The following RBFOX1 variants were observed in gnomAD, a reference collection of about 807,000 sequenced individuals.
RBFOX1 encodes the protein RNA binding fox-1 homolog 1, also known as RNA binding protein fox-1 homolog 1.
Under a neutral mutation model 57.7 loss-of-function variants are expected in RBFOX1, and 8 were observed. That is an observed-to-expected ratio of 0.14 (90% CI 0.08 to 0.25). RBFOX1 has a LOEUF of 0.25. Among genes scored for constraint, RBFOX1 ranks in the 10% least tolerant of loss-of-function variants. RBFOX1 has a pLI of 1.00. For missense variants in RBFOX1, 611 were observed against 548.5 expected (o/e 1.11, Z -1.14); for synonymous variants, 326 against 222.4 (o/e 1.47, Z -4.15).
chr16:5,742,345 C>G (rs1044303988), intron 3 of RBFOX1, among the ~76,000 whole-genome samples: 5 of 96,262 alleles, frequency 5.2e-5, no homozygotes, highest in African/African-American at 1.7e-4. Flanking sequence ...CCTCTCCTAA[C>G]TTTCCTTCCT....
At chr16:6,551,817 T>G (rs758140883) in intron 2 of RBFOX1, among the ~76,000 whole-genome samples, 6 of 152,214 alleles carry the variant, frequency 3.9e-5, no homozygotes, top group Non-Finnish European at 5.9e-5. Flanking sequence ...ATCATGCCAA[T>G]TACATCTCAC....
chr16:6,274,428 A>G (rs1471952522), intron 1 of RBFOX1, among the ~76,000 whole-genome samples: 1 of 152,228 alleles, frequency 6.6e-6, no homozygotes, highest in African/African-American at 2.4e-5. Context: ...ATGAATCTCC[A>G]GAAAATTATG....
intron 2 of RBFOX1, among the ~76,000 whole-genome samples, chr16:6,619,212 C>G (rs557193469): frequency 8.5e-5 from 13 of 152,228 alleles, no homozygotes; most frequent in South Asian, 4.1e-4. Context: ...TCTGTCCCCC[C>G]CTTAAACAGT....
chr16:6,191,795 G>A (rs1160521449), intron 1 of RBFOX1, among the ~76,000 whole-genome samples: 1 of 152,116 alleles, frequency 6.6e-6, no homozygotes, highest in Non-Finnish European at 1.5e-5. Context: ...TCACCACAGA[G>A]CTTTCCTTGG....
chr16:7,469,265 T>C (rs138704145), intron 4 of RBFOX1, among the ~76,000 whole-genome samples: 1,955 of 151,950 alleles, frequency 0.013, 44 homozygotes, highest in African/African-American at 0.045. Flanking sequence ...GGTTTCACCA[T>C]GTCGGTCAGG....
At chr16:5,825,586 C>T (rs914520027) in intron 3 of RBFOX1, among the ~76,000 whole-genome samples, 1 of 152,110 alleles carries the variant, frequency 6.6e-6, no homozygotes, top group East Asian at 1.9e-4. Context: ...TAAAAGTTAT[C>T]ATATGAACCA....
At chr16:6,082,890 G>T (rs987865019) in intron 1 of RBFOX1, among the ~76,000 whole-genome samples, 1 of 152,114 alleles carries the variant, frequency 6.6e-6, no homozygotes, top group Non-Finnish European at 1.5e-5. Context: ...GCTTATCACG[G>T]AGCCTAGCCC....
chr16:7,036,333 C>T (rs535987065), intron 3 of RBFOX1, among the ~76,000 whole-genome samples: 6 of 152,108 alleles, frequency 3.9e-5, no homozygotes, highest in African/African-American at 1.4e-4. Context: ...CAATTTTTCA[C>T]AATCTTGGTT....
At chr16:5,294,272 T>C (rs1363706746) in intron 1 of RBFOX1, among the ~76,000 whole-genome samples, 8 of 152,220 alleles carry the variant, frequency 5.3e-5, no homozygotes, top group Non-Finnish European at 1.5e-5. Context: ...CAAAAAATAC[T>C]GATGCCCATG....
chr16:5,540,322 A>G (rs1385714674), intron 2 of RBFOX1, among the ~76,000 whole-genome samples: 2 of 152,210 alleles, frequency 1.3e-5, no homozygotes, highest in Non-Finnish European at 2.9e-5. Context: ...ATGTTTGGAA[A>G]AAATTGGCAT....
At chr16:7,184,908 T>G (rs1480843164) in intron 4 of RBFOX1, among the ~76,000 whole-genome samples, 1 of 152,116 alleles carries the variant, frequency 6.6e-6, no homozygotes. Context: ...TTAACCATAA[T>G]AATGCTTACT....
At position 7,290,946 on chromosome 16, in the gene RBFOX1, A is replaced by C. The variant is rs146185618; in HGVS notation, c.28-227201A>C. Among the ~76,000 whole-genome samples, 653 of 152,326 alleles carry C rather than the reference A, an allele frequency of 4.3e-3. 3 individuals are homozygous for C. Among genetic ancestry groups the C allele is most frequent in the African/African-American group, 0.015 (622 of 41,570 alleles). On this transcript the variant is annotated intron_variant, in intron 4 of 15. Coordinates refer to ENST00000550418, the MANE Select transcript of RBFOX1 (RefSeq NM_018723.4). ...CAGAGGTGCTATCATCCTTGCCTCC[A>C]TCTCAATATTGCAAAACATACAAGA...
In RBFOX1 at chr16:6,386,662, T is replaced by C. The variant is rs74007326; in HGVS notation, c.-64+69605T>C. Among the ~76,000 whole-genome samples the C allele has an allele frequency of 2.7e-3, 405 of 152,328 alleles. 2 individuals are homozygous for C. The highest frequency in any genetic ancestry group is 9.3e-3 in the African/African-American group (386 of 41,572). ...AGAGAGAAAAGAAGTTCTTTTAGTATCTCCAGTTGTTAAAATAGTGTCTGA... is the reference window on the plus strand; with the variant it reads ...AGAGAGAAAAGAAGTTCTTTTAGTACCTCCAGTTGTTAAAATAGTGTCTGA... On this transcript the variant is annotated intron_variant, in intron 2 of 15. Coordinates refer to ENST00000550418, the MANE Select transcript of RBFOX1 (RefSeq NM_018723.4).
intron 1 of RBFOX1, among the ~76,000 whole-genome samples, chr16:5,344,343 G>A (rs116267091): frequency 3.9e-5 from 6 of 152,156 alleles, no homozygotes; most frequent in Non-Finnish European, 7.4e-5. Flanking sequence ...GGTAGGGATG[G>A]TAAGTCTCCC....
intron 2 of RBFOX1, among the ~76,000 whole-genome samples, chr16:6,567,858 G>A (rs963988324): frequency 2.0e-5 from 3 of 152,088 alleles, no homozygotes; most frequent in Non-Finnish European, 4.4e-5. Flanking sequence ...GTCTCACTCT[G>A]TCACCCAGGC....
chr16:5,705,234 C>A (rs554869426), intron 3 of RBFOX1, among the ~76,000 whole-genome samples: 1 of 152,156 alleles, frequency 6.6e-6, no homozygotes, highest in Non-Finnish European at 1.5e-5. Context: ...CCAGCACCAT[C>A]CATGTGCTAA....
intron 3 of RBFOX1, among the ~76,000 whole-genome samples, chr16:7,049,705 C>G (rs1672396600): frequency 6.6e-6 from 1 of 152,058 alleles, no homozygotes; most frequent in African/African-American, 2.4e-5. Context: ...CCACTTGCTG[C>G]TTTTTAATTT....
rs1386507722 is a variant in RBFOX1 at position 6,019,913 on chromosome 16, TG to T, written c.-201del. 2 of 1,534,892 alleles carry T rather than the reference TG, an allele frequency of 1.3e-6. No homozygotes were observed. The highest frequency in any genetic ancestry group is 1.7e-6 in the Non-Finnish European group (2 of 1,146,456). On this transcript the variant is annotated 5_prime_UTR_variant, in exon 1 of 16. It removes the in-frame stop codon of an upstream open reading frame in the 5' UTR. Transcript: ENST00000550418. The surrounding 1 kb of genome is among the most constrained non-coding windows in gnomAD (Gnocchi z 4.2). ...GCCTCCAGCTTATGGTGAGTGTGGC[TG>T]GGGGTGCAGAGAGCGCACGGGAATT...
intron 3 of RBFOX1, among the ~76,000 whole-genome samples, chr16:5,757,562 G>T (rs2053445340): frequency 6.6e-6 from 1 of 152,124 alleles, no homozygotes; most frequent in Non-Finnish European, 1.5e-5. Flanking sequence ...CAGCCTAGAA[G>T]AACACATCAT....
Sources: gnomAD v4.1 joint callset for allele counts (sites outside exome capture counted in the v4.1 genomes callset) on GRCh38, gnomAD v4.1.1 for gene constraint, Gnocchi (gnomAD v3.1) non-coding constraint, MANE v1.5 for transcripts, NCBI Gene and HGNC (gene_info 2026-07-23, HGNC 2026-07-21) for gene names.